The following BCL2L11 variants were observed in gnomAD, a reference collection of about 807,000 sequenced individuals.
BCL2L11 encodes the protein bcl-2-like protein 11.
In BCL2L11, 15 loss-of-function variants were observed where a neutral mutation model predicts 20.6. That is an observed-to-expected ratio of 0.73 (90% CI 0.49 to 1.12). The LOEUF (loss-of-function observed/expected upper bound fraction) is 1.12. BCL2L11 is among the 50% of genes most tolerant of loss of function. The pLI, the probability that BCL2L11 is intolerant of heterozygous loss-of-function variation, is 0.00. For synonymous variants in BCL2L11, 108 were observed against 92.8 expected (o/e 1.16, Z -0.94); for missense variants, 292 against 260.9 (o/e 1.12, Z -0.82).
chr2:111,149,807 A>G (rs754806312), intron 2 of BCL2L11, among the ~76,000 whole-genome samples: 13 of 152,232 alleles, frequency 8.5e-5, no homozygotes, highest in Non-Finnish European at 1.9e-4. Flanking sequence ...GCAATTCTGA[A>G]TCTCCAGTTT....
chr2:111,136,990 C>T (rs1310438004), intron 2 of BCL2L11, among the ~76,000 whole-genome samples: 1 of 152,208 alleles, frequency 6.6e-6, no homozygotes, highest in African/African-American at 2.4e-5. Flanking sequence ...TGTAACTCCA[C>T]TGTGTGTGAC....
At chr2:111,153,957 T>C (rs1180723508) in intron 3 of BCL2L11, 8 of 1,446,492 alleles carry the variant, frequency 5.5e-6, no homozygotes, top group Non-Finnish European at 7.3e-6. Context: ...TGCAGTGTCA[T>C]TCCCAGGTGA....
intron 2 of BCL2L11, 76 bp from the exon 3 acceptor site, chr2:111,149,968 A>G (rs1270042817): frequency 3.8e-6 from 5 of 1,320,860 alleles, no homozygotes; most frequent in Non-Finnish European, 5.3e-6. Flanking sequence ...GCTTGCCTCT[A>G]GAGACTTATC....
chr2:111,143,987 T>C (rs1163792785), intron 2 of BCL2L11, among the ~76,000 whole-genome samples: 1 of 152,224 alleles, frequency 6.6e-6, no homozygotes, highest in African/African-American at 2.4e-5. Context: ...CTTCACAGCC[T>C]TGGTTTACTG....
At position 111,147,582 on chromosome 2, in the gene BCL2L11, C is replaced by T. The variant is rs142644532; in HGVS notation, c.395-2462C>T. On this transcript the variant is annotated intron_variant, in intron 2 of 3. Coordinates refer to ENST00000393256, the MANE Select transcript of BCL2L11 (RefSeq NM_138621.5). ...TTGAAATTGGCTAATTTGTTAAAAGCTCCTACCTGCTGGCTAGGTTGAATG... is the reference window on the plus strand; with the variant it reads ...TTGAAATTGGCTAATTTGTTAAAAGTTCCTACCTGCTGGCTAGGTTGAATG... Among the ~76,000 whole-genome samples, 390 of 152,312 alleles carry T rather than the reference C, an allele frequency of 2.6e-3. 2 individuals carry two copies. Among genetic ancestry groups the T allele is most frequent in the African/African-American group, 9.1e-3 (378 of 41,568 alleles).
rs1278244450 is a variant in BCL2L11 at position 111,122,613 on chromosome 2, G to A, written c.-13-1120G>A. 14 of 984,614 alleles carry A rather than the reference G, an allele frequency of 1.4e-5. 1 individual carries two copies. Among genetic ancestry groups the A allele is most frequent in the Admixed American group, 1.2e-4 (2 of 16,080 alleles). 61.0% of individuals were successfully genotyped at this position (984,614 alleles called of 1,614,324 possible). The stretch of plus-strand genomic sequence containing the variant: ...GGGGAGGTCGGCGGTGCCGGCGGCG[G>A]CGGGCGCAGAGCGCGAGGGGAGGAG... On this transcript the variant is annotated intron_variant, in intron 1 of 3. Transcript: ENST00000393256.
In BCL2L11 at chr2:111,151,775, A is replaced by T. The variant is rs149354866; in HGVS notation, c.498+1628A>T. On this transcript the variant is annotated intron_variant, in intron 3 of 3. Transcript: ENST00000393256. The stretch of plus-strand genomic sequence containing the variant: ...GTAATGATTCTGTTGTAAAATGGGA[A>T]GTGTGACATTGATGGACTTAAGAAT... The T allele has an allele frequency of 5.2e-4, 726 of 1,401,828 alleles. 1 individual carries two copies. In the African/African-American group the frequency reaches 9.2e-3, roughly 18 times the overall value. The allele number at this position is 1,401,828 out of a possible 1,614,324, so 86.8% of individuals were successfully genotyped here. A position where few individuals can be genotyped will look rare whatever the true frequency, so the allele number is the denominator to read the frequency against.
intron 3 of BCL2L11, among the ~76,000 whole-genome samples, chr2:111,156,315 G>GC (rs1263046506): frequency 3.3e-5 from 5 of 152,314 alleles, no homozygotes; most frequent in Middle Eastern, 3.4e-3. Flanking sequence ...ATGATAGGTT[G>GC]CCCCACACTT....
At chr2:111,163,290 G>C (rs1000501266) in intron 3 of BCL2L11, 1 of 152,288 alleles carries the variant, frequency 6.6e-6, no homozygotes, top group African/African-American at 2.4e-5. Flanking sequence ...GTCCAGGGCA[G>C]ATTTCAGACT....
At chr2:111,128,165 G>C (rs544459533) in intron 2 of BCL2L11, among the ~76,000 whole-genome samples, 2 of 152,054 alleles carry the variant, frequency 1.3e-5, no homozygotes, top group East Asian at 3.9e-4. Flanking sequence ...GACAACTTCA[G>C]ATACCTTATA....
intron 2 of BCL2L11, among the ~76,000 whole-genome samples, chr2:111,134,614 A>G (rs762050356): frequency 6.6e-6 from 1 of 152,008 alleles, no homozygotes; most frequent in Non-Finnish European, 1.5e-5. Context: ...TCCCCTTCCA[A>G]TGTTCTTTCC....
chr2:111,158,952 T>C (rs1192137219), intron 3 of BCL2L11, among the ~76,000 whole-genome samples: 1 of 152,250 alleles, frequency 6.6e-6, no homozygotes, highest in African/African-American at 2.4e-5. Flanking sequence ...GTCTGTGTTG[T>C]ACTTACCGAG....
chr2:111,157,865 A>G (rs759318943), intron 3 of BCL2L11, among the ~76,000 whole-genome samples: 2 of 152,234 alleles, frequency 1.3e-5, no homozygotes, highest in Non-Finnish European at 2.9e-5. Flanking sequence ...TAGCTTTGCA[A>G]CGCTAGGGGA....
intron 3 of BCL2L11, among the ~76,000 whole-genome samples, chr2:111,158,658 C>G (rs964135366): frequency 6.6e-6 from 1 of 151,992 alleles, no homozygotes; most frequent in African/African-American, 2.4e-5. Context: ...AAGTTAAATT[C>G]CTCTGCATCT....
At chr2:111,129,455 G>C (rs913274402) in intron 2 of BCL2L11, among the ~76,000 whole-genome samples, 2 of 152,046 alleles carry the variant, frequency 1.3e-5, no homozygotes, top group Admixed American at 6.6e-5. Context: ...TTTTTTTTCA[G>C]ATAATTACAG....
At chr2:111,152,296 C>T (rs533552570) in intron 3 of BCL2L11, among the ~76,000 whole-genome samples, 256 of 152,324 alleles carry the variant, frequency 1.7e-3, no homozygotes, top group African/African-American at 5.5e-3. Context: ...ATGGGGCTGC[C>T]TGAGAGAAAG....
intron 2 of BCL2L11, among the ~76,000 whole-genome samples, chr2:111,148,983 T>C (rs1249086610): frequency 6.6e-6 from 1 of 152,224 alleles, no homozygotes; most frequent in African/African-American, 2.4e-5. Flanking sequence ...TCGTAGGTTT[T>C]TACCTATTTT....
intron 3 of BCL2L11, chr2:111,151,849 T>A: frequency 6.5e-7 from 1 of 1,549,852 alleles, no homozygotes; most frequent in South Asian, 1.2e-5. Context: ...ATCCTCCACC[T>A]GACATAAACC....
intron 2 of BCL2L11, among the ~76,000 whole-genome samples, chr2:111,125,048 G>C (rs2072237726): frequency 1.3e-5 from 2 of 152,230 alleles, no homozygotes; most frequent in African/African-American, 4.8e-5. Flanking sequence ...AACTGACCTG[G>C]TGGAGACTGG....
Sources: allele counts gnomAD v4.1 joint callset (sites outside exome capture counted in the v4.1 genomes callset), GRCh38; gene constraint gnomAD v4.1.1; transcripts MANE v1.5; gene names NCBI Gene and HGNC (gene_info 2026-07-23, HGNC 2026-07-21).